The following FHIT variants were observed in gnomAD, a reference collection of about 807,000 sequenced individuals.
The protein encoded by FHIT is fragile histidine triad diadenosine triphosphatase.
A neutral mutation model predicts 17.9 loss-of-function variants in FHIT; 19 were observed. The observed-to-expected ratio is 1.06, with a 90% CI of 0.74 to 1.56. The LOEUF is 1.56. FHIT is among the 40% of genes most tolerant of loss of function. The pLI is 0.00. For missense variants in FHIT, 248 were observed against 189.2 expected, an observed-to-expected ratio of 1.31 and a Z score of -1.82; for synonymous variants, 81 against 69.7, an observed-to-expected ratio of 1.16 and a Z score of -0.81.
At chr3:60,626,785 CTTT>C (rs60098225) in intron 4 of FHIT, among the ~76,000 whole-genome samples, 6 of 133,986 alleles carry the variant, frequency 4.5e-5, no homozygotes, top group Admixed American at 3.8e-4. Context: ...GGAAAACACT[CTTT>C]TTTTTTTTTT....
intron 5 of FHIT, among the ~76,000 whole-genome samples, chr3:60,034,624 A>G (rs1701138267): frequency 1.3e-5 from 2 of 152,216 alleles, no homozygotes; most frequent in South Asian, 2.1e-4. Context: ...ATCATATATT[A>G]TATCATTTGG....
intron 5 of FHIT, among the ~76,000 whole-genome samples, chr3:60,089,474 T>C (rs983770557): frequency 3.3e-5 from 5 of 152,096 alleles, no homozygotes; most frequent in Non-Finnish European, 5.9e-5. Context: ...TATAGTATGA[T>C]GGATGGATGG....
chr3:60,941,755 C>T (rs1311432879), intron 3 of FHIT, among the ~76,000 whole-genome samples: 1 of 152,116 alleles, frequency 6.6e-6, no homozygotes, highest in African/African-American at 2.4e-5. Context: ...CCTCTGATCC[C>T]CTATTCGTCC....
chr3:60,014,148 G>C lies in FHIT; in HGVS notation c.108C>G (p.Val36=). The stretch of plus-strand genomic sequence containing the variant: ...CCACTGGCCGCAGCGGGCACACAAG[G>C]ACATCTGTAGCAAGGTCTGTTAAGG... ...VNRKPVVPGH[V]LVCPLRPVER... is the part of the protein sequence containing the mutation. The change falls in exon 6 of 10, where the codon GTC becomes GTG. Residue 36 remains valine (V), a synonymous_variant. Coordinates refer to ENST00000492590, the MANE Select transcript of FHIT (RefSeq NM_002012.4). The C allele has an allele frequency of 6.2e-7, 1 of 1,613,988 alleles. No individual in the cohort carries two copies. Among genetic ancestry groups the C allele is most frequent in the Non-Finnish European group, 8.5e-7 (1 of 1,179,956 alleles).
intron 5 of FHIT, among the ~76,000 whole-genome samples, chr3:60,038,949 T>C (rs1701329298): frequency 6.6e-6 from 1 of 152,180 alleles, no homozygotes; most frequent in East Asian, 1.9e-4. Context: ...CTGCCTCTTA[T>C]GGTTTCTGGA....
intron 3 of FHIT, among the ~76,000 whole-genome samples, chr3:60,975,467 T>C (rs952302110): frequency 6.6e-6 from 1 of 152,202 alleles, no homozygotes; most frequent in South Asian, 2.1e-4. Context: ...AACTAATCAC[T>C]GTCTCCAGGA....
intron 2 of FHIT, among the ~76,000 whole-genome samples, chr3:61,097,904 A>T (rs568421950): frequency 6.6e-6 from 1 of 152,000 alleles, no homozygotes; most frequent in Non-Finnish European, 1.5e-5. Flanking sequence ...TAGGTTGTCT[A>T]TTCACTCTGT....
intron 5 of FHIT, among the ~76,000 whole-genome samples, chr3:60,416,879 G>A (rs367867197): frequency 2.6e-5 from 4 of 152,218 alleles, no homozygotes; most frequent in South Asian, 2.1e-4. Context: ...GAGGTCAGGA[G>A]AGCGAGACCA....
intron 7 of FHIT, among the ~76,000 whole-genome samples, chr3:59,983,512 CT>C (rs1276070573): frequency 6.6e-6 from 1 of 152,094 alleles, no homozygotes; most frequent in African/African-American, 2.4e-5. Flanking sequence ...TGATCTCTTA[CT>C]GTGTCTAATT....
chr3:59,875,606 G>T (rs1291369845), intron 8 of FHIT, among the ~76,000 whole-genome samples: 1 of 151,698 alleles, frequency 6.6e-6, no homozygotes, highest in East Asian at 1.9e-4. Flanking sequence ...TTGCTTACAA[G>T]TTTTTTTTTA....
At position 60,312,068 on chromosome 3, in the gene FHIT, G is replaced by A. The variant is rs191206110; in HGVS notation, c.103+224792C>T. On this transcript the variant is annotated intron_variant, in intron 5 of 9. Transcript: ENST00000492590. The stretch of plus-strand genomic sequence containing the variant: ...AAAAAATCTGAGTACTTAGCATACA[G>A]CAAGGGTAAACACTGTTTGGTGAAA... Among the ~76,000 whole-genome samples, 509 of 152,288 alleles carry A rather than the reference G, an allele frequency of 3.3e-3. 13 individuals are homozygous for A. In the South Asian group the frequency reaches 0.05, roughly 15 times the overall value.
chr3:60,062,792 G>A (rs761666103), intron 5 of FHIT, among the ~76,000 whole-genome samples: 1 of 152,140 alleles, frequency 6.6e-6, no homozygotes, highest in African/African-American at 2.4e-5. Flanking sequence ...GTTTGAGAAA[G>A]AATCTTCAGG....
intron 3 of FHIT, among the ~76,000 whole-genome samples, chr3:60,922,735 C>T (rs1317281657): frequency 1.3e-5 from 2 of 152,188 alleles, no homozygotes; most frequent in East Asian, 3.9e-4. Flanking sequence ...ACAACACTAA[C>T]ATTTCTCCAT....
chr3:60,722,706 TC>T (rs375979585), intron 4 of FHIT, among the ~76,000 whole-genome samples: 45 of 140,764 alleles, frequency 3.2e-4, no homozygotes, highest in Admixed American at 9.1e-4. Context: ...TTACCTTAAA[TC>T]TTTTTTTTTT....
intron 4 of FHIT, among the ~76,000 whole-genome samples, chr3:60,551,442 GAGAAAGAA>G (rs151253587): frequency 1.7e-5 from 1 of 60,192 alleles, no homozygotes; most frequent in Non-Finnish European, 3.4e-5. Flanking sequence ...GAAATATAGT[GAGAAAGAA>G]AGAAAGAAAG....
intron 4 of FHIT, among the ~76,000 whole-genome samples, chr3:60,655,681 C>T (rs1553689382): frequency 6.6e-6 from 1 of 152,108 alleles, no homozygotes; most frequent in African/African-American, 2.4e-5. Flanking sequence ...CTCGAACTCC[C>T]CACCCCAAGC....
At chr3:60,370,297 T>C (rs1243701583) in intron 5 of FHIT, among the ~76,000 whole-genome samples, 1 of 152,210 alleles carries the variant, frequency 6.6e-6, no homozygotes, top group African/African-American at 2.4e-5. Flanking sequence ...AGAGCTGACA[T>C]AAAAACAGGT....
At chr3:60,201,927 C>T (rs765839381) in intron 5 of FHIT, among the ~76,000 whole-genome samples, 2 of 152,020 alleles carry the variant, frequency 1.3e-5, no homozygotes, top group African/African-American at 4.8e-5. Flanking sequence ...TTACAGCCAC[C>T]AAAACCACTC....
At chr3:60,066,547 A>G (rs1056440325) in intron 5 of FHIT, among the ~76,000 whole-genome samples, 1 of 151,462 alleles carries the variant, frequency 6.6e-6, no homozygotes, top group Non-Finnish European at 1.5e-5. Context: ...CAAAACGCCA[A>G]CATAACTTCT....
Sources: gnomAD v4.1 joint callset for allele counts (sites outside exome capture counted in the v4.1 genomes callset) on GRCh38, gnomAD v4.1.1 for gene constraint, MANE v1.5 for transcripts, NCBI Gene and HGNC (gene_info 2026-07-23, HGNC 2026-07-21) for gene names.